Variants in IDI1 observed in about 807,000 individuals in gnomAD.
IDI1 encodes the protein isopentenyl-diphosphate Delta-isomerase 1.
IDI1 carries 23 observed loss-of-function variants against 32.9 expected under a neutral mutation model. The ratio of observed to expected loss-of-function variants is 0.70; its 90% CI spans 0.50 to 0.99. The LOEUF (loss-of-function observed/expected upper bound fraction) is 0.99, where lower values mean the gene tolerates loss of function less well. Ranked by LOEUF, IDI1 falls within the 50% of genes least tolerant of loss-of-function variation. The pLI, the probability that IDI1 is intolerant of heterozygous loss-of-function variation, is 0.00. For synonymous variants in IDI1, 133 were observed against 128.2 expected, an observed-to-expected ratio of 1.04 and a Z score of -0.25; for missense variants, 326 against 351.9, an observed-to-expected ratio of 0.93 and a Z score of 0.59.
In IDI1 at chr10:1,048,919, C is replaced by T. The variant is rs770220277; in HGVS notation, c.85G>A (p.Ala29Thr). 11 of 1,602,124 alleles carry T rather than the reference C, an allele frequency of 6.9e-6. No individual in the cohort carries two copies. Among genetic ancestry groups the T allele is most frequent in the South Asian group, 4.4e-5 (4 of 90,156 alleles). Residue 29 changes from alanine (A) to threonine (T), a missense_variant, in exon 1 of 5, where the codon GCT becomes ACT. Around this residue, in one of 2 missense-constraint regions of IDI1, gnomAD observed 121 missense variants for 78.4 expected, o/e 1.54. Coordinates refer to ENST00000381344, the MANE Select transcript of IDI1 (RefSeq NM_004508.4). The part of the protein sequence containing the change: ...GQWAVRAADC[A>T]QSGRHPGPAV... Reference sequence around the variant, plus strand: ...GGTCCCGGATGGCGCCCGCTTTGAGCACAGTCTGCGGCGCGCACCGCCCAC... The same window carrying T: ...GGTCCCGGATGGCGCCCGCTTTGAGTACAGTCTGCGGCGCGCACCGCCCAC...
Position 1,040,974 on chromosome 10 carries a change from CAG to C in IDI1, c.*211_*212del, listed in dbSNP as rs1283591267. On this transcript the variant is annotated 3_prime_UTR_variant, in exon 5 of 5. Coordinates refer to ENST00000381344, the MANE Select transcript of IDI1 (RefSeq NM_004508.4). ...ATCTCTCACAAATGTCGCTTAGAAACAGAACACATATCCAGGGTGTGTGATAC... is the reference window on the plus strand; with the variant it reads ...ATCTCTCACAAATGTCGCTTAGAAACAACACATATCCAGGGTGTGTGATAC... 5 of 433,018 alleles carry C rather than the reference CAG, an allele frequency of 1.2e-5. No individual in the cohort carries two copies. The East Asian group carries it at 1.4e-4, about 12-fold the overall frequency. The allele number at this position is 433,018 out of a possible 1,614,324, so 26.8% of individuals were successfully genotyped here.
rs1832571177 is a variant in IDI1 at position 1,041,249 on chromosome 10, A to G, written c.793T>C (p.Trp265Arg). Reference sequence around the variant, plus strand: ...TTCAAATGATTTAAGTTATCCCACCATTTAAAGAGAAAAGTCGCTGCAATA... The same window carrying G: ...TTCAAATGATTTAAGTTATCCCACCGTTTAAAGAGAAAAGTCGCTGCAATA... Reference protein sequence around the residue: ...KIIAATFLFKWWDNLNHLNQF... With the variant: ...KIIAATFLFKRWDNLNHLNQF... The change falls in exon 5 of 5, where the codon TGG becomes CGG. Residue 265 changes from tryptophan (W) to arginine (R), a missense_variant. Transcript: ENST00000381344. The G allele has an allele frequency of 1.9e-6, 3 of 1,613,128 alleles. No homozygotes were observed. The highest frequency in any genetic ancestry group is 1.7e-5 in the Admixed American group (1 of 59,994).
the IDI1 span, chr10:1,056,478 G>A: frequency 6.6e-6 from 1 of 152,136 alleles, no homozygotes; most frequent in Admixed American, 6.5e-5. Context: ...CCGGGTCTCA[G>A]GCCTCAGGCG....
In IDI1 at chr10:1,044,323, A is replaced by T. The variant is rs1412447995; in HGVS notation, c.141-152T>A. ...CAAGAACGCTGCCAGCCGGCTGCTC[A>T]GCACTATCTGGGTCATCATTTCTCC... On this transcript the variant is annotated intron_variant, in intron 1 of 4. Coordinates refer to ENST00000381344, the MANE Select transcript of IDI1 (RefSeq NM_004508.4). The T allele has an allele frequency of 6.8e-6, 4 of 586,754 alleles. No homozygotes were observed. The East Asian group carries it at 1.1e-4, about 17-fold the overall frequency. The allele number at this position is 586,754 out of a possible 1,614,324, so 36.3% of individuals were successfully genotyped here.
Position 1,041,030 on chromosome 10 carries a change from A to C in IDI1, c.*157T>G. 1.9e-6 allele frequency: 1 copy of C among 523,652 alleles called. No individual in the cohort carries two copies. Among genetic ancestry groups the C allele is most frequent in the Non-Finnish European group, 3.3e-6 (1 of 299,490 alleles). The allele number at this position is 523,652 out of a possible 1,614,324, so 32.4% of individuals were successfully genotyped here. A position where few individuals can be genotyped will look rare whatever the true frequency, so the allele number is the denominator to read the frequency against. ...ATTATAAGTTAGTTTTTTCCACACA[A>C]GTTTTAAAGTATCAGTGTATATAAT... On this transcript the variant is annotated 3_prime_UTR_variant, in exon 5 of 5. Transcript: ENST00000381344.
intron 2 of IDI1, 168 bp downstream of exon 2, chr10:1,043,831 G>C: frequency 1.5e-6 from 1 of 670,024 alleles, no homozygotes; most frequent in Non-Finnish European, 2.7e-6. Flanking sequence ...CGCTGTAACA[G>C]GAAGACAGCA....
intron 1 of IDI1, chr10:1,048,327 T>C: frequency 7.7e-7 from 1 of 1,304,686 alleles, no homozygotes; most frequent in South Asian, 1.2e-5. Context: ...ATCTATGCGA[T>C]GCTCCCCATC....
At position 1,041,464 on chromosome 10, in the gene IDI1, T is replaced by C. The variant is rs1832582901; in HGVS notation, c.578A>G (p.Tyr193Cys). 1 of 1,599,534 alleles carries C rather than the reference T, an allele frequency of 6.3e-7. No homozygotes were observed. Among genetic ancestry groups the C allele is most frequent in the Non-Finnish European group, 8.5e-7 (1 of 1,170,620 alleles). Residue 193 changes from tyrosine (Y) to cysteine (C), a missense_variant, in exon 5 of 5, where the codon TAC becomes TGC. Tyr to Cys is a radical substitution (Grantham distance 194). This residue lies in a region of IDI1 where 205 missense variants were observed against 273.5 expected (regional missense o/e 0.75). Transcript: ENST00000381344. ...CCAGATACCATCAGACTGAGCTTTG[T>C]AGTGAATTCGTGTTAAATAATTAAT... ...EEINYLTRIH[Y>C]KAQSDGIWGE... is the part of the protein sequence containing the mutation.
chr10:1,049,664 T>TG (rs1716946567), upstream of IDI1: 1 of 151,694 alleles, frequency 6.6e-6, no homozygotes, highest in African/African-American at 2.4e-5. Context: ...GTTCTAAATT[T>TG]TTTTTTTTTG....
Position 1,042,683 on chromosome 10 carries a change from C to T in IDI1, c.486G>A (p.Arg162=), listed in dbSNP as rs759460003. The T allele has an allele frequency of 2.0e-5, 33 of 1,613,962 alleles. No individual in the cohort carries two copies. The highest frequency in any genetic ancestry group is 1.3e-4 in the Admixed American group (8 of 60,000). ...CTTTCAGCCGTCTCTGTGCTGCTCGCCTCACTCCAAGGGCGTCACTTTCCT... is the reference window on the plus strand; with the variant it reads ...CTTTCAGCCGTCTCTGTGCTGCTCGTCTCACTCCAAGGGCGTCACTTTCCT... The part of the protein sequence containing the change: ...ELEESDALGV[R]RAAQRRLKAE... The change falls in exon 4 of 5, where the codon AGG becomes AGA. Residue 162 remains arginine (R), a synonymous_variant. Coordinates refer to ENST00000381344, the MANE Select transcript of IDI1 (RefSeq NM_004508.4).
At position 1,048,800 on chromosome 10, in the gene IDI1, G is replaced by T. The variant is rs932887870; in HGVS notation, c.140+64C>A. 3.2e-6 allele frequency: 5 copies of T among 1,558,170 alleles called. No individual in the cohort carries two copies. In the African/African-American group the frequency reaches 7.0e-5, roughly 22 times the overall value. On this transcript the variant is annotated intron_variant, in intron 1 of 4. Coordinates refer to ENST00000381344, the MANE Select transcript of IDI1 (RefSeq NM_004508.4). ...AGACCTCGGGCCTCCTCCCCGCCCCGTCCCGCAGCTCCCCGATGCCGCCCT... is the reference window on the plus strand; with the variant it reads ...AGACCTCGGGCCTCCTCCCCGCCCCTTCCCGCAGCTCCCCGATGCCGCCCT...
intron 1 of IDI1, 170 bp from the exon 2 acceptor site, chr10:1,044,341 AT>A: frequency 1.9e-6 from 1 of 537,340 alleles, no homozygotes; most frequent in Non-Finnish European, 3.3e-6. Context: ...CTGGGTCATC[AT>A]TTCTCCTACA....
chr10:1,042,790 C>A (rs1832656190), intron 3 of IDI1, 28 bp from the exon 4 acceptor site: 12 of 1,599,672 alleles, frequency 7.5e-6, no homozygotes, highest in African/African-American at 1.3e-5. Context: ...AGAGACAGAT[C>A]AACTTTTCTT....
intron 1 of IDI1, among the ~76,000 whole-genome samples, chr10:1,045,763 G>A (rs1832784226): frequency 6.6e-6 from 1 of 152,116 alleles, no homozygotes; most frequent in South Asian, 2.1e-4. Flanking sequence ...CACCACACGG[G>A]GACCACTGAA....
In IDI1 at chr10:1,048,938, C is replaced by A. The variant is rs773705015; in HGVS notation, c.66G>T (p.Ala22=). 5.7e-6 allele frequency: 9 copies of A among 1,586,526 alleles called. No individual in the cohort carries two copies. The highest frequency in any genetic ancestry group is 4.3e-6 in the Non-Finnish European group (5 of 1,169,592). The change falls in exon 1 of 5, where the codon GCG becomes GCT. Residue 22 remains alanine, a synonymous_variant. Transcript: ENST00000381344. Reference sequence around the variant, plus strand: ...TTTGAGCACAGTCTGCGGCGCGCACCGCCCACTGGCCCCGCCCCCGGGCCG... The same window carrying A: ...TTTGAGCACAGTCTGCGGCGCGCACAGCCCACTGGCCCCGCCCCCGGGCCG... ...GCAARGRGQW[A]VRAADCAQSG... is the part of the protein sequence containing the mutation.
chr10:1,042,169 A>AT (rs1164913366), intron 4 of IDI1, among the ~76,000 whole-genome samples: 1 of 152,122 alleles, frequency 6.6e-6, no homozygotes, highest in African/African-American at 2.4e-5. Flanking sequence ...GAAATACTTT[A>AT]TTTATCCAGG....
chr10:1,046,267 A>C (rs1026410786), intron 1 of IDI1, among the ~76,000 whole-genome samples: 1 of 152,200 alleles, frequency 6.6e-6, no homozygotes, highest in Non-Finnish European at 1.5e-5. Flanking sequence ...GGTTCCATAA[A>C]ATTATAACAG....
chr10:1,043,370 C>T lies in IDI1; in HGVS notation c.337G>A (p.Val113Ile), dbSNP rs1445126982. 12 of 1,608,984 alleles carry T rather than the reference C, an allele frequency of 7.5e-6. No individual in the cohort carries two copies. The highest frequency in any genetic ancestry group is 2.2e-5 in the East Asian group (1 of 44,846). ...TTATTTTCGGTGTTGAATAAGAAGACACTAAAAGCTCGATGCAATAATCCT... is the reference window on the plus strand; with the variant it reads ...TTATTTTCGGTGTTGAATAAGAAGATACTAAAAGCTCGATGCAATAATCCT... ...EKGLLHRAFS[V>I]FLFNTENKLL... Residue 113 changes from valine to isoleucine, a missense_variant, in exon 3 of 5, where the codon GTC becomes ATC. By Grantham distance (29) the Val-to-Ile change is conservative (BLOSUM62 3). This residue lies in a region of IDI1 where 205 missense variants were observed against 273.5 expected (regional missense o/e 0.75). Transcript: ENST00000381344.
upstream of IDI1, among the ~76,000 whole-genome samples, chr10:1,050,919 T>C (rs1450928034): frequency 3.9e-5 from 6 of 152,258 alleles, no homozygotes; most frequent in Non-Finnish European, 5.9e-5. Flanking sequence ...AGTTTGAAAA[T>C]TGAGAAGTAT....
Sources: allele counts gnomAD v4.1 joint callset (sites outside exome capture counted in the v4.1 genomes callset), GRCh38; gene constraint gnomAD v4.1.1; regional missense constraint gnomAD v4.1.1; transcripts MANE v1.5; gene names NCBI Gene and HGNC (gene_info 2026-07-23, HGNC 2026-07-21).